CTNNA1: variants seen among roughly 807,000 people sequenced by gnomAD.
CTNNA1 encodes the protein catenin alpha-1.
A neutral mutation model predicts 98.4 loss-of-function variants in CTNNA1; 37 were observed. The observed-to-expected ratio is 0.38, with a 90% CI of 0.29 to 0.49. The LOEUF is 0.49. Ranked by LOEUF, CTNNA1 falls within the 20% of genes least tolerant of loss-of-function variation. The pLI, the probability that CTNNA1 is intolerant of heterozygous loss-of-function variation, is 0.95. For missense variants in CTNNA1, 761 were observed against 1,147.2 expected, an observed-to-expected ratio of 0.66 and a Z score of 4.86; for synonymous variants, 404 against 413.2, an observed-to-expected ratio of 0.98 and a Z score of 0.27.
At chr5:138,766,833 C>G (rs749684014) in intron 1 of CTNNA1, among the ~76,000 whole-genome samples, 1 of 152,058 alleles carries the variant, frequency 6.6e-6, no homozygotes, top group Non-Finnish European at 1.5e-5. Flanking sequence ...AGGCATGTCT[C>G]GTCACTTCCC....
intron 5 of CTNNA1, among the ~76,000 whole-genome samples, chr5:138,823,753 C>T (rs954355759): frequency 1.3e-5 from 2 of 151,596 alleles, no homozygotes; most frequent in Admixed American, 1.3e-4. Context: ...GTCAGGAGAT[C>T]GAGGCCATCC....
rs757429405 is a variant in CTNNA1, at chr5:138,874,038, G to A, written c.1063-12174G>A. 4 of 1,613,838 alleles carry A rather than the reference G, an allele frequency of 2.5e-6. No homozygotes were observed. Among genetic ancestry groups the A allele is most frequent in the Non-Finnish European group, 2.5e-6 (3 of 1,179,884 alleles). On this transcript the variant is annotated intron_variant, in intron 7 of 17. Coordinates refer to ENST00000302763, the MANE Select transcript of CTNNA1 (RefSeq NM_001903.5). This position sits in a 1 kb window ranked among gnomAD's most constrained non-coding sequence, Gnocchi z 4.1. Reference sequence around the variant, plus strand: ...AGACTACGACAGTCCCAGAACAGGCGTACTGGGATAGTCCGCAGGGAGTTG... The same window carrying A: ...AGACTACGACAGTCCCAGAACAGGCATACTGGGATAGTCCGCAGGGAGTTG...
chr5:138,860,472 G>C (rs1279556333), intron 7 of CTNNA1, among the ~76,000 whole-genome samples: 3 of 148,192 alleles, frequency 2.0e-5, no homozygotes, highest in East Asian at 2.0e-4. Flanking sequence ...ACAAATCTTA[G>C]ACTGGCAGGG....
intron 1 of CTNNA1, 94 bp downstream of exon 1, chr5:138,753,604 C>CGCGGGCGGGCGA: frequency 6.0e-6 from 2 of 332,602 alleles, no homozygotes; most frequent in Admixed American, 5.0e-5. Context: ...CCCCGCGAGC[C>CGCGGGCGGGCGA]GCGGGCGGGC....
At chr5:138,842,265 A>C (rs574321494) in intron 7 of CTNNA1, among the ~76,000 whole-genome samples, 2 of 152,098 alleles carry the variant, frequency 1.3e-5, no homozygotes, top group Non-Finnish European at 2.9e-5. Context: ...GCACCACTGC[A>C]CTCCAGCCTG....
intron 11 of CTNNA1, among the ~76,000 whole-genome samples, chr5:138,924,105 C>G (rs1257845750): frequency 6.6e-6 from 1 of 152,166 alleles, no homozygotes; most frequent in Non-Finnish European, 1.5e-5. Flanking sequence ...GGAGAGGGGA[C>G]AGTGGACTTT....
intron 13 of CTNNA1, among the ~76,000 whole-genome samples, chr5:138,925,967 G>A (rs1311676839): frequency 6.6e-6 from 1 of 152,130 alleles, no homozygotes; most frequent in Non-Finnish European, 1.5e-5. Flanking sequence ...ATCTGTGATT[G>A]AGCTCCCGGC....
At chr5:138,904,462 GTGAC>G (rs758641867) in intron 10 of CTNNA1, 21 bp downstream of exon 10, 4 of 1,602,470 alleles carry the variant, frequency 2.5e-6, no homozygotes, top group Non-Finnish European at 2.6e-6. Flanking sequence ...ACTGACACTG[GTGAC>G]AGCATAACCA....
At chr5:138,818,543 G>C (rs1759687403) in intron 5 of CTNNA1, among the ~76,000 whole-genome samples, 1 of 152,118 alleles carries the variant, frequency 6.6e-6, no homozygotes, top group African/African-American at 2.4e-5. Context: ...TTAGTGTGCT[G>C]GTTAGGGAGT....
intron 7 of CTNNA1, among the ~76,000 whole-genome samples, chr5:138,833,201 A>G (rs1761450781): frequency 1.3e-5 from 2 of 152,302 alleles, no homozygotes; most frequent in African/African-American, 2.4e-5. Flanking sequence ...AATGAACTCC[A>G]TTTGGTTTTG....
rs1350588066 is a variant in CTNNA1 at position 138,883,433 on chromosome 5, A to G, written c.1063-2779A>G. 3.9e-5 allele frequency among the ~76,000 whole-genome samples: 6 copies of G among 152,350 alleles called. No homozygotes were observed. The South Asian group carries it at 1.0e-3, about 26-fold the overall frequency. Reference sequence around the variant, plus strand: ...CCTCTATTTCCTGCAATAACAAGAAAGACAAATTGATTTTTTGGGTAGTTT... The same window carrying G: ...CCTCTATTTCCTGCAATAACAAGAAGGACAAATTGATTTTTTGGGTAGTTT... On this transcript the variant is annotated intron_variant, in intron 7 of 17. Transcript: ENST00000302763.
At chr5:138,886,885 C>G (rs979427028) in intron 8 of CTNNA1, among the ~76,000 whole-genome samples, 2 of 152,040 alleles carry the variant, frequency 1.3e-5, no homozygotes, top group African/African-American at 4.8e-5. Context: ...TGTATTAAGA[C>G]TTAAGAAGTT....
chr5:138,901,322 C>A (rs1374842367), intron 9 of CTNNA1, among the ~76,000 whole-genome samples: 1 of 152,012 alleles, frequency 6.6e-6, no homozygotes, highest in Non-Finnish European at 1.5e-5. Context: ...CACGCTGGGC[C>A]AATTTTTGTA....
chr5:138,780,514 T>G (rs898918181), intron 1 of CTNNA1, among the ~76,000 whole-genome samples: 13 of 150,810 alleles, frequency 8.6e-5, no homozygotes, highest in African/African-American at 3.2e-4. Flanking sequence ...TTTTTAATTT[T>G]TATTATTATT....
chr5:138,855,714 G>A (rs1255883557), intron 7 of CTNNA1, among the ~76,000 whole-genome samples: 1 of 152,126 alleles, frequency 6.6e-6, no homozygotes, highest in East Asian at 1.9e-4. Flanking sequence ...AAAAAGAGCT[G>A]GAAAAGCAGT....
At chr5:138,821,989 C>T (rs907144905) in intron 5 of CTNNA1, among the ~76,000 whole-genome samples, 1 of 152,042 alleles carries the variant, frequency 6.6e-6, no homozygotes, top group African/African-American at 2.4e-5. Context: ...TTTCTTTGTG[C>T]TAAGGCAAGA....
intron 9 of CTNNA1, among the ~76,000 whole-genome samples, chr5:138,901,599 T>A (rs1478440117): frequency 1.3e-5 from 2 of 152,010 alleles, no homozygotes; most frequent in Admixed American, 6.6e-5. Context: ...CAATGAAAAA[T>A]TTTTTAATGT....
intron 8 of CTNNA1, among the ~76,000 whole-genome samples, chr5:138,886,521 C>G (rs1238657352): frequency 6.6e-6 from 1 of 152,050 alleles, no homozygotes; most frequent in Non-Finnish European, 1.5e-5. Flanking sequence ...TAAGTTAGCT[C>G]TAGTGTGAAA....
At chr5:138,849,031 T>A (rs1222704450) in intron 7 of CTNNA1, among the ~76,000 whole-genome samples, 2 of 152,196 alleles carry the variant, frequency 1.3e-5, no homozygotes, top group Admixed American at 1.3e-4. Flanking sequence ...CTGGCATACT[T>A]CTTTATTGTT....
Sources: gnomAD v4.1 joint callset for allele counts (sites outside exome capture counted in the v4.1 genomes callset) on GRCh38, gnomAD v4.1.1 for gene constraint, Gnocchi (gnomAD v3.1) non-coding constraint, MANE v1.5 for transcripts, NCBI Gene and HGNC (gene_info 2026-07-23, HGNC 2026-07-21) for gene names.